The following NXPH1 variants were observed in gnomAD, a reference collection of about 807,000 sequenced individuals.
NXPH1 encodes neurexophilin 1.
Under a neutral mutation model 23.7 loss-of-function variants are expected in NXPH1, and 5 were observed. That is an observed-to-expected ratio of 0.21 (90% CI 0.11 to 0.44). The LOEUF (loss-of-function observed/expected upper bound fraction) is 0.44, where lower values mean the gene tolerates loss of function less well. NXPH1 is among the 20% of genes least tolerant of loss of function. The probability of loss-of-function intolerance (pLI) is 0.99; values close to 1 mark genes in which losing one functional copy is unlikely to be tolerated. For missense variants in NXPH1, 324 were observed against 321.6 expected, an observed-to-expected ratio of 1.01 and a Z score of -0.06; for synonymous variants, 144 against 122.2, an observed-to-expected ratio of 1.18 and a Z score of -1.18.
At chr7:8,616,190 C>T (rs149775465) in intron 2 of NXPH1, among the ~76,000 whole-genome samples, 34 of 152,110 alleles carry the variant, frequency 2.2e-4, no homozygotes, top group Admixed American at 1.6e-3. Context: ...TACACAGTCA[C>T]GTTCAACCAC....
chr7:8,667,375 G>T (rs1289072255), intron 2 of NXPH1, among the ~76,000 whole-genome samples: 2 of 150,882 alleles, frequency 1.3e-5, no homozygotes, highest in South Asian at 4.1e-4. Context: ...CCAAATATTT[G>T]TTTTGTTTTG....
chr7:8,693,171 G>A (rs569307487), intron 2 of NXPH1, among the ~76,000 whole-genome samples: 28 of 152,014 alleles, frequency 1.8e-4, no homozygotes, highest in African/African-American at 6.3e-4. Context: ...AACAACCCCC[G>A]CCGCCAAAAC....
At position 8,624,752 on chromosome 7, in the gene NXPH1, T is replaced by A. The variant is rs1054264470; in HGVS notation, c.55-126256T>A. On this transcript the variant is annotated intron_variant, in intron 2 of 2. Coordinates refer to ENST00000405863, the MANE Select transcript of NXPH1 (RefSeq NM_152745.3). ...GCATTTGGGATTAGGAGTTGAGAGG[T>A]TATTTTAAACTCAGACTAAAGGTTT... Among the ~76,000 whole-genome samples, 4 of 151,998 alleles carry A rather than the reference T, an allele frequency of 2.6e-5. No homozygotes were observed. In the South Asian group the frequency reaches 6.2e-4, roughly 24 times the overall value.
intron 2 of NXPH1, among the ~76,000 whole-genome samples, chr7:8,448,066 G>A (rs557322239): frequency 5.3e-5 from 8 of 152,354 alleles, no homozygotes; most frequent in East Asian, 1.9e-4. Context: ...CTTAAGGGAA[G>A]CAGCATTGTG....
At chr7:8,679,882 G>T (rs1583227507) in intron 2 of NXPH1, among the ~76,000 whole-genome samples, 1 of 152,244 alleles carries the variant, frequency 6.6e-6, no homozygotes, top group African/African-American at 2.4e-5. Context: ...TTAGCCAGGT[G>T]TGGTGGCGCG....
intron 2 of NXPH1, among the ~76,000 whole-genome samples, chr7:8,697,912 A>T (rs1017083563): frequency 6.6e-6 from 1 of 152,198 alleles, no homozygotes; most frequent in Non-Finnish European, 1.5e-5. Context: ...GATGACTCCT[A>T]TAGGCAGGAT....
chr7:8,516,521 T>C (rs1325372637), intron 2 of NXPH1, among the ~76,000 whole-genome samples: 1 of 152,172 alleles, frequency 6.6e-6, no homozygotes, highest in African/African-American at 2.4e-5. Context: ...TCTTCAGATA[T>C]CACCTGGTGC....
At chr7:8,748,850 G>A (rs1021591896) in intron 2 of NXPH1, among the ~76,000 whole-genome samples, 1 of 152,168 alleles carries the variant, frequency 6.6e-6, no homozygotes, top group Non-Finnish European at 1.5e-5. Context: ...TTTAAGCTCA[G>A]CATTATTAGG....
rs116500948 is a variant in NXPH1, at chr7:8,666,228, A to G, written c.55-84780A>G. ...TTGAGGTACATTCCTTCTATTACCA[A>G]TTTGTTGAGAGGTTTTATCATGAAG... On this transcript the variant is annotated intron_variant, in intron 2 of 2. Transcript: ENST00000405863. Among the ~76,000 whole-genome samples the G allele has an allele frequency of 4.4e-3, 676 of 151,926 alleles. 2 individuals are homozygous for G. Among genetic ancestry groups the G allele is most frequent in the African/African-American group, 0.015 (636 of 41,520 alleles).
chr7:8,567,635 C>T (rs1818568347), intron 2 of NXPH1, among the ~76,000 whole-genome samples: 1 of 151,988 alleles, frequency 6.6e-6, no homozygotes, highest in African/African-American at 2.4e-5. Flanking sequence ...ACTTATGCCA[C>T]ATCTTTTCAA....
At chr7:8,472,094 C>T (rs1268620235) in intron 2 of NXPH1, among the ~76,000 whole-genome samples, 1 of 151,786 alleles carries the variant, frequency 6.6e-6, no homozygotes, top group Non-Finnish European at 1.5e-5. Context: ...TATTTTATTT[C>T]CATAGGTGAT....
At chr7:8,476,636 G>A (rs745778913) in intron 2 of NXPH1, among the ~76,000 whole-genome samples, 34 of 151,808 alleles carry the variant, frequency 2.2e-4, no homozygotes, top group Non-Finnish European at 4.7e-4. Context: ...TAAATGCAAT[G>A]CTATACATTA....
At chr7:8,575,787 G>T (rs1818743859) in intron 2 of NXPH1, among the ~76,000 whole-genome samples, 1 of 150,844 alleles carries the variant, frequency 6.6e-6, no homozygotes, top group Admixed American at 6.6e-5. Flanking sequence ...CTCTTACTTG[G>T]TCAAAGTTAG....
intron 2 of NXPH1, among the ~76,000 whole-genome samples, chr7:8,476,966 T>G (rs1584181602): frequency 6.6e-6 from 1 of 152,166 alleles, no homozygotes; most frequent in East Asian, 1.9e-4. Context: ...TATTTTAAAT[T>G]GAAGACTAGC....
At chr7:8,737,218 C>T (rs1413273530) in intron 2 of NXPH1, among the ~76,000 whole-genome samples, 2 of 152,090 alleles carry the variant, frequency 1.3e-5, no homozygotes, top group African/African-American at 2.4e-5. Flanking sequence ...GCAGTTTCTT[C>T]ATAGTGTTGA....
chr7:8,742,128 A>G (rs969347498), intron 2 of NXPH1, among the ~76,000 whole-genome samples: 2 of 152,192 alleles, frequency 1.3e-5, no homozygotes, highest in Non-Finnish European at 2.9e-5. Flanking sequence ...TGCAGAGAGA[A>G]AAAGCAAAAC....
At chr7:8,477,261 T>G (rs570781163) in intron 2 of NXPH1, among the ~76,000 whole-genome samples, 26 of 152,280 alleles carry the variant, frequency 1.7e-4, no homozygotes, top group African/African-American at 6.3e-4. Flanking sequence ...AAGACTGATA[T>G]GCTTGTATAC....
At chr7:8,681,245 C>T (rs1821044396) in intron 2 of NXPH1, among the ~76,000 whole-genome samples, 1 of 152,170 alleles carries the variant, frequency 6.6e-6, no homozygotes. Context: ...CATATCACAC[C>T]ATCTTTCATA....
At chr7:8,528,752 C>T (rs1817904287) in intron 2 of NXPH1, among the ~76,000 whole-genome samples, 1 of 152,178 alleles carries the variant, frequency 6.6e-6, no homozygotes, top group South Asian at 2.1e-4. Context: ...GTTGAGACAT[C>T]TGTTTTTCTT....
Sources: gnomAD v4.1 joint callset for allele counts (sites outside exome capture counted in the v4.1 genomes callset) on GRCh38, gnomAD v4.1.1 for gene constraint, MANE v1.5 for transcripts, NCBI Gene and HGNC (gene_info 2026-07-23, HGNC 2026-07-21) for gene names.